Variants in ZFYVE28 observed in about 807,000 individuals in gnomAD.
ZFYVE28 encodes the protein zinc finger FYVE-type containing 28.
ZFYVE28 carries 40 observed loss-of-function variants against 82.1 expected under a neutral mutation model. The ratio of observed to expected loss-of-function variants is 0.49; its 90% CI spans 0.38 to 0.63. The LOEUF is 0.63. Ranked by LOEUF, ZFYVE28 falls within the 30% of genes least tolerant of loss-of-function variation. The pLI, the probability that ZFYVE28 is intolerant of heterozygous loss-of-function variation, is 0.00. For missense variants in ZFYVE28, 1,321 were observed against 1,242.1 expected (o/e 1.06, Z -0.96); for synonymous variants, 612 against 546.1 (o/e 1.12, Z -1.68).
rs1733190886 is a variant in ZFYVE28, at chr4:2,417,398, CG to C, written c.39+886del. On this transcript the variant is annotated intron_variant, in intron 1 of 12. Coordinates refer to ENST00000290974, the MANE Select transcript of ZFYVE28 (RefSeq NM_020972.3). The surrounding 1 kb of genome is among the most constrained non-coding windows in gnomAD (Gnocchi z 4.8). ...GCGGGCACGAGCCCCAGGCGGGCGGCGGGGACGCAGCGCCCGCAGTGCGACT... is the reference window on the plus strand; with the variant it reads ...GCGGGCACGAGCCCCAGGCGGGCGGCGGGACGCAGCGCCCGCAGTGCGACT... Among the ~76,000 whole-genome samples, 1 of 150,844 alleles carries C rather than the reference CG, an allele frequency of 6.6e-6. No homozygotes were observed. The highest frequency in any genetic ancestry group is 2.4e-5 in the African/African-American group (1 of 41,266).
intron 1 of ZFYVE28, among the ~76,000 whole-genome samples, chr4:2,358,845 A>G (rs1359261343): frequency 6.6e-6 from 1 of 151,802 alleles, no homozygotes; most frequent in Non-Finnish European, 1.5e-5. Flanking sequence ...TCTATCCCCC[A>G]GGCTAGAGTG....
intron 8 of ZFYVE28, among the ~76,000 whole-genome samples, chr4:2,291,978 A>ACGTC (rs1199493862): frequency 1.3e-5 from 2 of 152,162 alleles, no homozygotes; most frequent in Admixed American, 1.3e-4. Context: ...AGGCTCCAGC[A>ACGTC]CGTCCTCCCA....
At chr4:2,290,112 G>A (rs1435400838) in intron 8 of ZFYVE28, among the ~76,000 whole-genome samples, 1 of 152,132 alleles carries the variant, frequency 6.6e-6, no homozygotes, top group Non-Finnish European at 1.5e-5. Context: ...GCCACCCCCC[G>A]GTCACCAGGC....
chr4:2,341,703 T>C lies in ZFYVE28; in HGVS notation c.181-88A>G. On this transcript the variant is annotated intron_variant, in intron 2 of 12. Transcript: ENST00000290974. The surrounding 1 kb of genome is among the most constrained non-coding windows in gnomAD (Gnocchi z 4.5). ...TGCTGGAAAACACGCACGGTGCATG[T>C]GACTGTTTTTTAGGATTATTAAAGT... The C allele has an allele frequency of 2.6e-6, 4 of 1,526,148 alleles. No homozygotes were observed. In the Admixed American group the frequency reaches 5.5e-5, roughly 21 times the overall value. The allele number at this position is 1,526,148 out of a possible 1,614,324, so 94.5% of individuals were successfully genotyped here.
At chr4:2,309,333 A>T (rs548202205) in intron 7 of ZFYVE28, among the ~76,000 whole-genome samples, 1 of 152,328 alleles carries the variant, frequency 6.6e-6, no homozygotes, top group Middle Eastern at 3.4e-3. Flanking sequence ...CTCCAGAATC[A>T]TGAGCTAAAC....
At chr4:2,395,635 C>T (rs1348664601) in intron 1 of ZFYVE28, among the ~76,000 whole-genome samples, 2 of 152,214 alleles carry the variant, frequency 1.3e-5, no homozygotes, top group African/African-American at 4.8e-5. Flanking sequence ...AATTTTCAAC[C>T]TGGGAGCAGG....
chr4:2,404,998 C>A (rs959865763), intron 1 of ZFYVE28, among the ~76,000 whole-genome samples: 2 of 151,910 alleles, frequency 1.3e-5, no homozygotes, highest in Non-Finnish European at 2.9e-5. Context: ...CCCAAAGTAG[C>A]TGGGATTATA....
rs1048211576 is a variant in ZFYVE28 at position 2,276,993 on chromosome 4, T to TA, written c.2052-2778dup. On this transcript the variant is annotated intron_variant, in intron 8 of 12. Coordinates refer to ENST00000290974, the MANE Select transcript of ZFYVE28 (RefSeq NM_020972.3). ...ATATATTTTACAAAAATTAAAAATA[T>TA]AAAAAAAAAAGAATTGGGGCAGGGA... Among the ~76,000 whole-genome samples, 104 of 147,734 alleles carry TA rather than the reference T, an allele frequency of 7.0e-4. 1 individual carries two copies. Among genetic ancestry groups the TA allele is most frequent in the South Asian group, 5.2e-3 (24 of 4,606 alleles).
At chr4:2,336,562 G>GC (rs60047777) in intron 5 of ZFYVE28, among the ~76,000 whole-genome samples, 13,794 of 151,532 alleles carry the variant, frequency 0.091, 741 homozygotes, top group African/African-American at 0.12. Flanking sequence ...GCTTCCCCCT[G>GC]CCCCCCCCAC....
intron 7 of ZFYVE28, among the ~76,000 whole-genome samples, chr4:2,314,388 G>A (rs146455057): frequency 1.3e-3 from 199 of 152,274 alleles, no homozygotes; most frequent in Non-Finnish European, 2.1e-3. Context: ...TAGTCCATTT[G>A]TATTTAATGT....
At chr4:2,318,660 G>A (rs991949490) in intron 7 of ZFYVE28, among the ~76,000 whole-genome samples, 25 of 152,146 alleles carry the variant, frequency 1.6e-4, no homozygotes, top group East Asian at 1.9e-4. Context: ...CAGCCTGTGG[G>A]TGCACACCTG....
In ZFYVE28 at chr4:2,335,778, A is replaced by G. The variant is rs1402540250; in HGVS notation, c.628T>C (p.Tyr210His). 3 of 1,564,126 alleles carry G rather than the reference A, an allele frequency of 1.9e-6. No homozygotes were observed. The highest frequency in any genetic ancestry group is 2.6e-6 in the Non-Finnish European group (3 of 1,154,140). Residue 210 changes from tyrosine to histidine, a missense_variant, in exon 6 of 13, where the codon TAC becomes CAC. Transcript: ENST00000290974. The surrounding 1 kb of genome is among the most constrained non-coding windows in gnomAD (Gnocchi z 5.8). Reference protein sequence around the residue: ...ETVERALDFGYLTQDMIDDYE... With the variant: ...ETVERALDFGHLTQDMIDDYE... ...TCATCAATCATGTCCTGAGTCAGGTACCCGAAGTCCAGGGCCCTGTCCGGG... is the reference window on the plus strand; with the variant it reads ...TCATCAATCATGTCCTGAGTCAGGTGCCCGAAGTCCAGGGCCCTGTCCGGG...
intron 8 of ZFYVE28, among the ~76,000 whole-genome samples, chr4:2,289,313 A>G (rs1004370339): frequency 2.6e-5 from 4 of 152,242 alleles, no homozygotes; most frequent in African/African-American, 9.7e-5. Context: ...ATAAAACAGG[A>G]GCACGATACT....
intron 1 of ZFYVE28, among the ~76,000 whole-genome samples, chr4:2,363,651 G>C (rs1416183131): frequency 6.6e-6 from 1 of 152,202 alleles, no homozygotes; most frequent in Non-Finnish European, 1.5e-5. Context: ...TGCGTAACTT[G>C]TATGTGAGCA....
At chr4:2,374,274 G>T (rs767043413) in intron 1 of ZFYVE28, among the ~76,000 whole-genome samples, 24 of 152,168 alleles carry the variant, frequency 1.6e-4, no homozygotes, top group Non-Finnish European at 2.6e-4. Context: ...AACTAGTGTT[G>T]TTAGAAGCTG....
In ZFYVE28 at chr4:2,320,257, T is replaced by A. The variant is rs1329101410; in HGVS notation, c.716A>T (p.Tyr239Phe). Residue 239 changes from tyrosine to phenylalanine, a missense_variant, in exon 7 of 13, where the codon TAT becomes TTT. Tyr to Phe is a conservative substitution (Grantham distance 22). Around this residue, in one of 2 missense-constraint regions of ZFYVE28, gnomAD observed 343 missense variants for 408.4 expected, o/e 0.84. Transcript: ENST00000290974. The surrounding 1 kb of genome is among the most constrained non-coding windows in gnomAD (Gnocchi z 5.1). The part of the protein sequence containing the change: ...RLAIVCGLVV[Y>F]ADGPLNLDRK... ...GTCCAAGTTCAGAGGTCCGTCCGCA[T>A]AGACCACGAGGCCACTGCATTTGAG... 1 of 1,613,302 alleles carries A rather than the reference T, an allele frequency of 6.2e-7. No individual in the cohort carries two copies. The highest frequency in any genetic ancestry group is 2.2e-5 in the East Asian group (1 of 44,832).
chr4:2,387,316 A>G (rs1729378814), intron 1 of ZFYVE28, among the ~76,000 whole-genome samples: 1 of 152,156 alleles, frequency 6.6e-6, no homozygotes, highest in African/African-American at 2.4e-5. Flanking sequence ...GGGAAGGGAA[A>G]CTGAGCTTCA....
At chr4:2,414,479 C>T (rs1460113816) in intron 1 of ZFYVE28, among the ~76,000 whole-genome samples, 2 of 152,208 alleles carry the variant, frequency 1.3e-5, no homozygotes, top group African/African-American at 4.8e-5. Flanking sequence ...TGTTCTCCTA[C>T]AAAGCGGGGG....
At chr4:2,274,295 C>G in intron 8 of ZFYVE28, 79 bp from the exon 9 acceptor site, 1 of 1,524,244 alleles carries the variant, frequency 6.6e-7, no homozygotes, top group African/African-American at 1.4e-5. Flanking sequence ...CTGGTCAAGA[C>G]AAAAGTCTGT....
Sources: allele counts gnomAD v4.1 joint callset (sites outside exome capture counted in the v4.1 genomes callset), GRCh38; gene constraint gnomAD v4.1.1; regional missense constraint gnomAD v4.1.1; non-coding constraint Gnocchi (gnomAD v3.1); transcripts MANE v1.5; gene names NCBI Gene and HGNC (gene_info 2026-07-23, HGNC 2026-07-21).